NAALADL2: variants seen among roughly 807,000 people sequenced by gnomAD.
The protein encoded by NAALADL2 is N-acetylated alpha-linked acidic dipeptidase like 2, also known as inactive N-acetylated-alpha-linked acidic dipeptidase-like protein 2.
NAALADL2 carries 76 observed loss-of-function variants against 87.2 expected under a neutral mutation model. That is an observed-to-expected ratio of 0.87 (90% confidence interval 0.72 to 1.05). NAALADL2 has a LOEUF of 1.05. Among genes scored for constraint, NAALADL2 ranks in the 50% least tolerant of loss-of-function variants. The pLI is 0.00. For missense variants in NAALADL2, 1,089 were observed against 945.8 expected (o/e 1.15, Z -1.99); for synonymous variants, 354 against 331.0 (o/e 1.07, Z -0.75).
chr3:174,792,887 A>G (rs1717631395), intron 3 of NAALADL2, among the ~76,000 whole-genome samples: 1 of 152,182 alleles, frequency 6.6e-6, no homozygotes, highest in South Asian at 2.1e-4. Flanking sequence ...TCTGTCTAGA[A>G]TGTAAATATG....
chr3:175,383,529 C>T (rs1768023074), intron 5 of NAALADL2, among the ~76,000 whole-genome samples: 1 of 151,970 alleles, frequency 6.6e-6, no homozygotes, highest in South Asian at 2.1e-4. Flanking sequence ...GATACTTATT[C>T]CTCCTGTCTA....
intron 2 of NAALADL2, among the ~76,000 whole-genome samples, chr3:174,635,630 G>C (rs1298260720): frequency 6.6e-6 from 1 of 151,642 alleles, no homozygotes; most frequent in African/African-American, 2.4e-5. Context: ...AGCCTGTCAA[G>C]TAGCTGGGAT....
intron 2 of NAALADL2, among the ~76,000 whole-genome samples, chr3:175,114,507 A>G (rs1196884343): frequency 1.3e-5 from 2 of 151,664 alleles, no homozygotes; most frequent in South Asian, 2.1e-4. Flanking sequence ...ATTATTTTCT[A>G]AATGTATGCT....
At chr3:175,740,677 C>A (rs1745107487) in intron 12 of NAALADL2, among the ~76,000 whole-genome samples, 1 of 152,176 alleles carries the variant, frequency 6.6e-6, no homozygotes, top group African/African-American at 2.4e-5. Flanking sequence ...ACCCTTATAG[C>A]AGAGCGCATC....
At chr3:174,714,120 G>A (rs1206294801) in intron 2 of NAALADL2, among the ~76,000 whole-genome samples, 2 of 152,068 alleles carry the variant, frequency 1.3e-5, no homozygotes, top group Non-Finnish European at 2.9e-5. Context: ...TAGATACGTG[G>A]CATTATTTCT....
At chr3:174,529,611 A>G (rs961908396) in intron 1 of NAALADL2, among the ~76,000 whole-genome samples, 1 of 152,208 alleles carries the variant, frequency 6.6e-6, no homozygotes, top group African/African-American at 2.4e-5. Flanking sequence ...CTGCCTGAAC[A>G]TCCAGGCATT....
At chr3:175,539,531 G>T (rs1007997977) in intron 9 of NAALADL2, among the ~76,000 whole-genome samples, 10 of 152,036 alleles carry the variant, frequency 6.6e-5, no homozygotes, top group African/African-American at 2.2e-4. Flanking sequence ...AGGTACAGGT[G>T]CAGGTTTATT....
intron 2 of NAALADL2, among the ~76,000 whole-genome samples, chr3:174,682,154 G>A (rs752884632): frequency 1.3e-5 from 2 of 152,150 alleles, no homozygotes; most frequent in Non-Finnish European, 2.9e-5. Context: ...ACTTTGTCTT[G>A]CAAAGTGGAT....
chr3:174,466,385 A>AC (rs1283702771), intron 1 of NAALADL2, among the ~76,000 whole-genome samples: 18 of 149,730 alleles, frequency 1.2e-4, no homozygotes, highest in African/African-American at 2.0e-4. Context: ...AAAAGATTGG[A>AC]CCCCCCCTGG....
chr3:175,434,880 A>T (rs376524193), intron 5 of NAALADL2, among the ~76,000 whole-genome samples: 2 of 152,044 alleles, frequency 1.3e-5, no homozygotes, highest in African/African-American at 4.8e-5. Flanking sequence ...AGTAAAGAAC[A>T]AACTAGATAT....
chr3:175,005,379 A>C (rs1299983132), intron 1 of NAALADL2, among the ~76,000 whole-genome samples: 1 of 152,168 alleles, frequency 6.6e-6, no homozygotes, highest in Non-Finnish European at 1.5e-5. Flanking sequence ...GGTTTCCTTC[A>C]TACTGCTGAC....
At chr3:175,389,778 G>A (rs528563833) in intron 5 of NAALADL2, among the ~76,000 whole-genome samples, 2 of 152,284 alleles carry the variant, frequency 1.3e-5, no homozygotes, top group Admixed American at 6.5e-5. Context: ...TCAGGTCAAA[G>A]AGGAGGCTTT....
intron 2 of NAALADL2, among the ~76,000 whole-genome samples, chr3:175,186,955 A>T (rs958262781): frequency 6.6e-6 from 1 of 152,294 alleles, no homozygotes; most frequent in Admixed American, 6.5e-5. Context: ...AGTATAATGA[A>T]AAAAGATTAT....
At chr3:175,641,177 C>G (rs973185907) in intron 11 of NAALADL2, among the ~76,000 whole-genome samples, 1 of 152,174 alleles carries the variant, frequency 6.6e-6, no homozygotes, top group Non-Finnish European at 1.5e-5. Flanking sequence ...GGCTCACTCC[C>G]AGGCTTCTGG....
At chr3:175,341,153 G>A (rs748091592) in intron 5 of NAALADL2, among the ~76,000 whole-genome samples, 1 of 152,052 alleles carries the variant, frequency 6.6e-6, no homozygotes, top group Non-Finnish European at 1.5e-5. Context: ...ATTAGCAGTT[G>A]TTCCCCATTC....
intron 9 of NAALADL2, among the ~76,000 whole-genome samples, chr3:175,497,933 T>C (rs1390199028): frequency 6.6e-6 from 1 of 152,094 alleles, no homozygotes; most frequent in Non-Finnish European, 1.5e-5. Context: ...AGTGCCTCTC[T>C]CAGAAAAACC....
intron 1 of NAALADL2, among the ~76,000 whole-genome samples, chr3:174,960,655 G>T (rs980139611): frequency 1.3e-5 from 2 of 151,978 alleles, no homozygotes; most frequent in Non-Finnish European, 2.9e-5. Context: ...ATAGGCAGAA[G>T]TTTGGAAACA....
chr3:174,508,650 G>A (rs551514275), intron 1 of NAALADL2, among the ~76,000 whole-genome samples: 1 of 152,128 alleles, frequency 6.6e-6, no homozygotes, highest in Non-Finnish European at 1.5e-5. Context: ...TTTTTAACTT[G>A]TGTCAGCAAA....
intron 1 of NAALADL2, among the ~76,000 whole-genome samples, chr3:174,488,186 A>T (rs9866521): frequency 6.6e-6 from 1 of 151,862 alleles, no homozygotes; most frequent in African/African-American, 2.4e-5. Context: ...ATTACTTTAC[A>T]TAAAACACTA....
Sources: allele counts gnomAD v4.1 joint callset (sites outside exome capture counted in the v4.1 genomes callset), GRCh38; gene constraint gnomAD v4.1.1; transcripts MANE v1.5; gene names NCBI Gene and HGNC (gene_info 2026-07-23, HGNC 2026-07-21).